The following P2RX5 variants were observed in gnomAD, a reference collection of about 807,000 sequenced individuals.
P2RX5 encodes purinergic receptor P2X 5.
P2RX5 carries 46 observed loss-of-function variants against 54.1 expected under a neutral mutation model. That is an observed-to-expected ratio of 0.85 (90% CI 0.67 to 1.09). P2RX5 has a LOEUF of 1.09. P2RX5 is among the 50% of genes least tolerant of loss of function. P2RX5 has a pLI of 0.00. For missense variants in P2RX5, 566 were observed against 549.8 expected, an observed-to-expected ratio of 1.03 and a Z score of -0.29; for synonymous variants, 226 against 226.4, an observed-to-expected ratio of 1.00 and a Z score of 0.02.
chr17:3,690,743 C>G, intron 3 of P2RX5, 63 bp from the exon 4 acceptor site: 1 of 1,526,226 alleles, frequency 6.6e-7, no homozygotes, highest in Non-Finnish European at 9.1e-7. Flanking sequence ...GGGTCCCACT[C>G]CAGGAGATAG....
chr17:3,723,803 C>T, the P2RX5 span: 1 of 1,589,342 alleles, frequency 6.3e-7, no homozygotes, highest in Non-Finnish European at 8.6e-7. Flanking sequence ...GTTTTCCGTC[C>T]CGTCCCGGCC....
chr17:3,715,390 G>A, the P2RX5 span, among the ~76,000 whole-genome samples: 1 of 152,274 alleles, frequency 6.6e-6, no homozygotes, highest in Non-Finnish European at 1.5e-5. Flanking sequence ...GTTTCTAGAA[G>A]GGAGCTCACA....
chr17:3,680,371 G>A (rs111853704), intron 10 of P2RX5, among the ~76,000 whole-genome samples: 1,598 of 34,968 alleles, frequency 0.046, no homozygotes, highest in Middle Eastern at 0.23. Flanking sequence ...TCCACCCTGC[G>A]TCCTCCACCC....
At chr17:3,676,940 T>C (rs2050118324) in intron 11 of P2RX5, 1 of 307,072 alleles carries the variant, frequency 3.3e-6, no homozygotes, top group African/African-American at 2.3e-5. Flanking sequence ...TGGGCACCTG[T>C]AATCCCAGCT....
At chr17:3,675,840 T>C in intron 11 of P2RX5, 1 of 984,942 alleles carries the variant, frequency 1.0e-6, no homozygotes, top group Non-Finnish European at 1.2e-6. Context: ...TGTGAGCCAC[T>C]GCGCCCAGCC....
At chr17:3,675,457 T>G (rs2050081377) in intron 11 of P2RX5, 1 of 985,314 alleles carries the variant, frequency 1.0e-6, no homozygotes. Flanking sequence ...CTGCCTTTTT[T>G]GCTTCCTCCC....
chr17:3,696,628 C>T (rs959548696), upstream of P2RX5, among the ~76,000 whole-genome samples: 7 of 151,924 alleles, frequency 4.6e-5, no homozygotes, highest in Admixed American at 6.6e-5. Flanking sequence ...TTAGTAGAGA[C>T]GGGGTTTCAC....
chr17:3,717,108 C>G, the P2RX5 span: 1 of 290,074 alleles, frequency 3.4e-6, no homozygotes, highest in Non-Finnish European at 6.6e-6. Flanking sequence ...CCACGGAATC[C>G]GGTCTCAACA....
chr17:3,689,607 T>C lies in P2RX5; in HGVS notation c.638A>G (p.Asp213Gly). ...GTGGCATGATTTCAGGAAAGATCTG[T>C]CCTTGACGTCCATCACATTGCTTCT... ...FSKSNVMDVKDRSFLKSCHFG... is the reference protein window; with the variant it reads ...FSKSNVMDVKGRSFLKSCHFG... The change falls in exon 7 of 12, where the codon GAC (aspartate) becomes GGC (glycine). Residue 213 changes from aspartate to glycine, a missense_variant. By Grantham distance (94) the Asp-to-Gly change is moderately conservative. Coordinates refer to ENST00000225328, the MANE Select transcript of P2RX5 (RefSeq NM_002561.4). 6.2e-7 allele frequency: 1 copy of C among 1,614,120 alleles called. No homozygotes were observed. Among genetic ancestry groups the C allele is most frequent in the Non-Finnish European group, 8.5e-7 (1 of 1,179,998 alleles).
chr17:3,679,930 A>ACCCAGTG (rs2050193407), intron 10 of P2RX5, 146 bp from the exon 11 acceptor site: 1 of 725,504 alleles, frequency 1.4e-6, no homozygotes, highest in Non-Finnish European at 2.4e-6. Flanking sequence ...TGCTTCCTCC[A>ACCCAGTG]TGCGGCTCCC....
At chr17:3,683,500 G>A (rs1368286652) in intron 9 of P2RX5, among the ~76,000 whole-genome samples, 1 of 152,158 alleles carries the variant, frequency 6.6e-6, no homozygotes, top group East Asian at 1.9e-4. Flanking sequence ...GGAGGCCGAG[G>A]TGGGCGGATC....
intron 1 of P2RX5, among the ~76,000 whole-genome samples, chr17:3,692,927 T>C (rs2050657431): frequency 6.6e-6 from 1 of 152,002 alleles, no homozygotes; most frequent in African/African-American, 2.4e-5. Flanking sequence ...TTGGACTTCA[T>C]AAAAATTTAA....
upstream of P2RX5, chr17:3,696,477 C>T (rs1271013036): frequency 6.6e-6 from 1 of 152,220 alleles, no homozygotes; most frequent in East Asian, 1.9e-4. Context: ...ATTTTTGAGA[C>T]GGAGCCTCGC....
intron 10 of P2RX5, 137 bp downstream of exon 10, chr17:3,681,759 G>T: frequency 1.4e-6 from 1 of 712,102 alleles, no homozygotes; most frequent in Non-Finnish European, 2.6e-6. Flanking sequence ...CATGTACTCA[G>T]AACACTTCTC....
At chr17:3,704,256 G>C in the P2RX5 span, among the ~76,000 whole-genome samples, 1 of 152,162 alleles carries the variant, frequency 6.6e-6, no homozygotes, top group African/African-American at 2.4e-5. Context: ...GAGGAGATTT[G>C]AATCTCTCCT....
chr17:3,699,857 GAA>G (rs1193581323), upstream of P2RX5, among the ~76,000 whole-genome samples: 5 of 45,056 alleles, frequency 1.1e-4, no homozygotes, highest in Admixed American at 3.3e-4. Context: ...AAAGAAAAAA[GAA>G]AGAAAGAAAG....
At chr17:3,701,963 G>C in the P2RX5 span, among the ~76,000 whole-genome samples, 1 of 151,954 alleles carries the variant, frequency 6.6e-6, no homozygotes. Context: ...ATTTTTAGTA[G>C]AGACGGAGTT....
the P2RX5 span, among the ~76,000 whole-genome samples, chr17:3,705,412 T>A: frequency 2.0e-5 from 3 of 152,182 alleles, no homozygotes; most frequent in African/African-American, 7.2e-5. Context: ...GTTTTCAGTG[T>A]CCAGCTTCCC....
chr17:3,702,497 A>G, the P2RX5 span, among the ~76,000 whole-genome samples: 1 of 151,910 alleles, frequency 6.6e-6, no homozygotes, highest in African/African-American at 2.4e-5. Flanking sequence ...CACGTTGTGG[A>G]AGTTTTGTTC....
Sources: gnomAD v4.1 joint callset for allele counts (sites outside exome capture counted in the v4.1 genomes callset) on GRCh38, gnomAD v4.1.1 for gene constraint, MANE v1.5 for transcripts, NCBI Gene and HGNC (gene_info 2026-07-23, HGNC 2026-07-21) for gene names.